The following CTNNA1 variants were observed in gnomAD, a reference collection of about 807,000 sequenced individuals.
The protein encoded by CTNNA1 is catenin alpha 1.
CTNNA1 carries 37 observed loss-of-function variants against 98.4 expected under a neutral mutation model. That is an observed-to-expected ratio of 0.38 (90% CI 0.29 to 0.49). CTNNA1 has a LOEUF of 0.49. CTNNA1 is among the 20% of genes least tolerant of loss of function. The probability of loss-of-function intolerance (pLI) is 0.95; values close to 1 mark genes in which losing one functional copy is unlikely to be tolerated. For missense variants in CTNNA1, 761 were observed against 1,147.2 expected (o/e 0.66, Z 4.86); for synonymous variants, 404 against 413.2 (o/e 0.98, Z 0.27).
chr5:138,827,472 G>T lies in CTNNA1; in HGVS notation c.859-43G>T. On this transcript the variant is annotated intron_variant, in intron 6 of 17. Coordinates refer to ENST00000302763, the MANE Select transcript of CTNNA1 (RefSeq NM_001903.5). ...CTTTTCTCACCTTGAATAAAGAAGG[G>T]AACAGAGATGAGTACTAACATTCGG... 1.9e-6 allele frequency: 3 copies of T among 1,596,358 alleles called. No homozygotes were observed. In the East Asian group the frequency reaches 6.7e-5, roughly 36 times the overall value.
At position 138,934,578 on chromosome 5, in the gene CTNNA1, A is replaced by G. The variant is rs1031862040; in HGVS notation, c.*489A>G. 3.2e-5 allele frequency: 5 copies of G among 155,058 alleles called. No homozygotes were observed. The highest frequency in any genetic ancestry group is 1.2e-4 in the African/African-American group (5 of 41,128). 9.6% of individuals were successfully genotyped at this position (155,058 alleles called of 1,614,324 possible). ...TTCCCAGAAAGGTCTCTGGAGGGAC[A>G]AACTCACTCAGTAAAACATAATGTA... is the stretch of plus-strand genomic sequence containing the variant. On this transcript the variant is annotated 3_prime_UTR_variant, in exon 18 of 18. Transcript: ENST00000302763.
chr5:138,773,048 G>C (rs1297840767), intron 1 of CTNNA1, among the ~76,000 whole-genome samples: 1 of 152,182 alleles, frequency 6.6e-6, no homozygotes, highest in Non-Finnish European at 1.5e-5. Context: ...GACAGTGCTG[G>C]TTCCAGAAGC....
chr5:138,851,871 C>T (rs989861311), intron 7 of CTNNA1, among the ~76,000 whole-genome samples: 15 of 152,108 alleles, frequency 9.9e-5, no homozygotes, highest in Admixed American at 9.8e-4. Flanking sequence ...ATCTGGCCAA[C>T]ATGGTGAAAC....
Position 138,772,461 on chromosome 5 carries a change from G to C in CTNNA1, c.-2-9462G>C, listed in dbSNP as rs190569444. ...ACTGTCAAGAGTTTAAAAGTTATTTGTTTAGTTACTCTGAACAATACCATT... is the reference window on the plus strand; with the variant it reads ...ACTGTCAAGAGTTTAAAAGTTATTTCTTTAGTTACTCTGAACAATACCATT... On this transcript the variant is annotated intron_variant, in intron 1 of 17. Transcript: ENST00000302763. Among the ~76,000 whole-genome samples, 256 of 152,318 alleles carry C rather than the reference G, an allele frequency of 1.7e-3. 1 individual carries two copies. The highest frequency in any genetic ancestry group is 6.1e-3 in the African/African-American group (255 of 41,572).
rs1385111926 is a variant in CTNNA1, at chr5:138,934,976, T to TTGAA, written c.*890_*893dup. 6.6e-6 allele frequency: 1 copy of TTGAA among 152,290 alleles called. No individual in the cohort carries two copies. The highest frequency in any genetic ancestry group is 1.5e-5 in the Non-Finnish European group (1 of 68,036). The allele number at this position is 152,290 out of a possible 1,614,324, so 9.4% of individuals were successfully genotyped here. Reference sequence around the variant, plus strand: ...CCTTATTTAAATTTTATGAATTAATTTGAATGTTTTTTACACTAACTAACT... The same window carrying TTGAA: ...CCTTATTTAAATTTTATGAATTAATTTGAATGAATGTTTTTTACACTAACTAACT... On this transcript the variant is annotated 3_prime_UTR_variant, in exon 18 of 18. Coordinates refer to ENST00000302763, the MANE Select transcript of CTNNA1 (RefSeq NM_001903.5).
Position 138,929,349 on chromosome 5 carries a change from G to A in CTNNA1, c.2003G>A (p.Ser668Asn). The part of the protein sequence containing the change: ...TEDDQLIAGQ[S>N]ARAIMAQLPQ... Reference sequence around the variant, plus strand: ...GACGATCAGCTGATAGCTGGCCAGAGTGCCCGGGTAAGGAAGCGCTCCGTG... The same window carrying A: ...GACGATCAGCTGATAGCTGGCCAGAATGCCCGGGTAAGGAAGCGCTCCGTG... Residue 668 changes from serine (S) to asparagine (N), a missense_variant, in exon 14 of 18, where the codon AGT becomes AAT. Physicochemically the swap from Ser to Asn is conservative, Grantham distance 46. Transcript: ENST00000302763. 6.4e-7 allele frequency: 1 copy of A among 1,574,724 alleles called. No homozygotes were observed. The highest frequency in any genetic ancestry group is 8.7e-7 in the Non-Finnish European group (1 of 1,144,064).
chr5:138,900,774 A>G (rs1323083371), intron 9 of CTNNA1, among the ~76,000 whole-genome samples: 2 of 152,160 alleles, frequency 1.3e-5, no homozygotes, highest in African/African-American at 4.8e-5. Context: ...TTTCCTCAAC[A>G]GCTCAGATTT....
At chr5:138,762,874 G>GT (rs573049107) in intron 1 of CTNNA1, among the ~76,000 whole-genome samples, 5 of 150,840 alleles carry the variant, frequency 3.3e-5, no homozygotes, top group Admixed American at 2.0e-4. Context: ...TCTCTAAGAG[G>GT]TTTTTTTTTC....
chr5:138,922,806 A>G (rs933874800), intron 11 of CTNNA1, among the ~76,000 whole-genome samples: 2 of 152,130 alleles, frequency 1.3e-5, no homozygotes, highest in Non-Finnish European at 2.9e-5. Context: ...TCATGAGGGT[A>G]GAGAATATTA....
chr5:138,875,010 T>C lies in CTNNA1; in HGVS notation c.1063-11202T>C. ...AACATGTAGGAGCCTTTGACCAGTTTCCTGTTTTCTGTGTCCCAGGCTTTC... is the reference window on the plus strand; with the variant it reads ...AACATGTAGGAGCCTTTGACCAGTTCCCTGTTTTCTGTGTCCCAGGCTTTC... On this transcript the variant is annotated intron_variant, in intron 7 of 17. Transcript: ENST00000302763. 8.0e-6 allele frequency: 10 copies of C among 1,244,324 alleles called. No homozygotes were observed. In the South Asian group the frequency reaches 1.3e-4, roughly 16 times the overall value. 77.1% of individuals were successfully genotyped at this position (1,244,324 alleles called of 1,614,324 possible). A position where few individuals can be genotyped will look rare whatever the true frequency, so the allele number is the denominator to read the frequency against.
chr5:138,818,164 C>G (rs1354840861), intron 5 of CTNNA1, among the ~76,000 whole-genome samples: 2 of 147,594 alleles, frequency 1.4e-5, no homozygotes, highest in African/African-American at 2.5e-5. Flanking sequence ...GGGTCTTGCT[C>G]TGTCGCCCAG....
intron 7 of CTNNA1, chr5:138,870,789 T>A (rs1750506233): frequency 6.6e-6 from 1 of 152,234 alleles, no homozygotes; most frequent in African/African-American, 2.4e-5. Context: ...TTGGTAAATT[T>A]TAGCTCGTGG....
intron 7 of CTNNA1, chr5:138,871,857 T>C (rs553872784): frequency 4.6e-5 from 7 of 152,246 alleles, no homozygotes; most frequent in Non-Finnish European, 1.0e-4. Context: ...AAGTGTTTTT[T>C]TTCATGGTTC....
At chr5:138,855,256 C>T (rs906482844) in intron 7 of CTNNA1, among the ~76,000 whole-genome samples, 2 of 152,224 alleles carry the variant, frequency 1.3e-5, no homozygotes, top group African/African-American at 4.8e-5. Flanking sequence ...CCAGGCTGGT[C>T]TCGAACTCCT....
At chr5:138,756,081 C>T (rs1012885616) in intron 1 of CTNNA1, among the ~76,000 whole-genome samples, 1 of 151,802 alleles carries the variant, frequency 6.6e-6, no homozygotes, top group East Asian at 1.9e-4. Flanking sequence ...CTGTGTCTCC[C>T]AGGCTGGAGT....
At chr5:138,845,099 A>G (rs1762594650) in intron 7 of CTNNA1, among the ~76,000 whole-genome samples, 1 of 152,206 alleles carries the variant, frequency 6.6e-6, no homozygotes, top group Admixed American at 6.5e-5. Flanking sequence ...GCTTGTGGAA[A>G]GAGATGTTTT....
At chr5:138,767,485 C>T (rs1014872223) in intron 1 of CTNNA1, among the ~76,000 whole-genome samples, 5 of 152,202 alleles carry the variant, frequency 3.3e-5, no homozygotes, top group African/African-American at 9.7e-5. Flanking sequence ...TCAAACAGTA[C>T]GTCAGATACT....
intron 2 of CTNNA1, 47 bp from the exon 3 acceptor site, chr5:138,783,130 T>G: frequency 1.4e-6 from 2 of 1,430,056 alleles, no homozygotes; most frequent in Non-Finnish European, 1.9e-6. Context: ...GATATTAGTT[T>G]GTCATTTTAA....
At position 138,884,455 on chromosome 5, in the gene CTNNA1, C is replaced by A. The variant is rs554344917; in HGVS notation, c.1063-1757C>A. On this transcript the variant is annotated intron_variant, in intron 7 of 17. Transcript: ENST00000302763. Reference sequence around the variant, plus strand: ...AAAAACCTAGAAAGGGAAGGAGATTCTCTACAGAATGTAGATTTTCCCCAA... The same window carrying A: ...AAAAACCTAGAAAGGGAAGGAGATTATCTACAGAATGTAGATTTTCCCCAA... Among the ~76,000 whole-genome samples the A allele has an allele frequency of 4.0e-4, 61 of 152,290 alleles. 2 individuals are homozygous for A. The highest frequency in any genetic ancestry group is 7.4e-5 in the Non-Finnish European group (5 of 68,026).
Sources: allele counts gnomAD v4.1 joint callset (sites outside exome capture counted in the v4.1 genomes callset), GRCh38; gene constraint gnomAD v4.1.1; transcripts MANE v1.5; gene names NCBI Gene and HGNC (gene_info 2026-07-23, HGNC 2026-07-21).